The following PAWR variants were observed in gnomAD, a reference collection of about 807,000 sequenced individuals.
The protein encoded by PAWR is PRKC apoptosis WT1 regulator protein.
Under a neutral mutation model 32.0 loss-of-function variants are expected in PAWR, and 23 were observed. That is an observed-to-expected ratio of 0.72 (90% CI 0.52 to 1.02). PAWR has a LOEUF of 1.02. PAWR is among the 50% of genes least tolerant of loss of function. PAWR has a pLI of 0.00. For synonymous variants in PAWR, 226 were observed against 187.1 expected, an observed-to-expected ratio of 1.21 and a Z score of -1.70; for missense variants, 457 against 437.7, an observed-to-expected ratio of 1.04 and a Z score of -0.39.
At chr12:79,640,379 A>T (rs551681741) in intron 2 of PAWR, among the ~76,000 whole-genome samples, 1 of 152,112 alleles carries the variant, frequency 6.6e-6, no homozygotes, top group Non-Finnish European at 1.5e-5. Flanking sequence ...ACCTTCAATC[A>T]TACTACAACC....
In PAWR at chr12:79,588,199, C is replaced by T. The variant is rs1021934271; in HGVS notation, c.*4408G>A. The T allele has an allele frequency of 1.9e-4, 29 of 152,124 alleles. No homozygotes were observed. Among genetic ancestry groups the T allele is most frequent in the African/African-American group, 6.7e-4 (28 of 41,566 alleles). The allele number at this position is 152,124 out of a possible 1,614,324, so 9.4% of individuals were successfully genotyped here. ...ATCAACATCCACCAAGTGATCATCA[C>T]TAACATTCTATTATTACCAGAGTAA... is the stretch of plus-strand genomic sequence containing the variant. On this transcript the variant is annotated 3_prime_UTR_variant, in exon 7 of 7. Coordinates refer to ENST00000328827, the MANE Select transcript of PAWR (RefSeq NM_002583.4).
At chr12:79,640,798 G>GA (rs1566014804) in intron 2 of PAWR, among the ~76,000 whole-genome samples, 2 of 152,142 alleles carry the variant, frequency 1.3e-5, no homozygotes, top group African/African-American at 4.8e-5. Flanking sequence ...ATGTAAAAGA[G>GA]AAAGGACTTA....
At chr12:79,602,584 AAGTG>A (rs1456759725) in intron 4 of PAWR, among the ~76,000 whole-genome samples, 1 of 152,118 alleles carries the variant, frequency 6.6e-6, no homozygotes, top group Non-Finnish European at 1.5e-5. Flanking sequence ...AAAAAAAAAT[AAGTG>A]TCATAAATAA....
intron 2 of PAWR, among the ~76,000 whole-genome samples, chr12:79,673,863 T>C (rs1462270570): frequency 6.6e-6 from 1 of 152,118 alleles, no homozygotes; most frequent in Non-Finnish European, 1.5e-5. Flanking sequence ...GAAAGATTTC[T>C]ACAATGAGAA....
chr12:79,630,319 T>A (rs1020509372), intron 2 of PAWR, among the ~76,000 whole-genome samples: 2 of 151,800 alleles, frequency 1.3e-5, no homozygotes, highest in East Asian at 3.9e-4. Context: ...ATATATATTT[T>A]TTTTGAGACA....
Position 79,651,397 on chromosome 12 carries a change from G to A in PAWR, c.517-30190C>T, listed in dbSNP as rs192132210. Among the ~76,000 whole-genome samples, 53 of 152,228 alleles carry A rather than the reference G, an allele frequency of 3.5e-4. No individual in the cohort carries two copies. The East Asian group carries it at 8.9e-3, about 25-fold the overall frequency. On this transcript the variant is annotated intron_variant, in intron 2 of 6. Coordinates refer to ENST00000328827, the MANE Select transcript of PAWR (RefSeq NM_002583.4). The stretch of plus-strand genomic sequence containing the variant: ...AAGAATCGGTTAAAAAAATTAGGGT[G>A]CATAATTTGCATTTGAAGCTTTCCC...
intron 2 of PAWR, among the ~76,000 whole-genome samples, chr12:79,632,335 A>ATG (rs1875713504): frequency 2.0e-5 from 1 of 49,398 alleles, no homozygotes; most frequent in Non-Finnish European, 2.9e-5. Context: ...ATATATATAT[A>ATG]TATATATATA....
At position 79,621,185 on chromosome 12, in the gene PAWR, T is replaced by A. The variant is rs753683437; in HGVS notation, c.539A>T (p.Asp180Val). The part of the protein sequence containing the change: ...AAECLDEYED[D>V]EAGQKERKRE... ...TTTCCGCTCTTTCTGCCCTGCTTCA[T>A]CATCTTCGTACTCATCTAAGCACTG... is the stretch of plus-strand genomic sequence containing the variant. The change falls in exon 3 of 7, where the codon GAT becomes GTT. Residue 180 changes from aspartate (D) to valine (V), a missense_variant. By Grantham distance (152) the Asp-to-Val change is radical (BLOSUM62 -3). Coordinates refer to ENST00000328827, the MANE Select transcript of PAWR (RefSeq NM_002583.4). 13 of 1,611,178 alleles carry A rather than the reference T, an allele frequency of 8.1e-6. No homozygotes were observed. The highest frequency in any genetic ancestry group is 1.1e-5 in the Non-Finnish European group (13 of 1,179,268).
intron 2 of PAWR, among the ~76,000 whole-genome samples, chr12:79,672,245 T>C (rs1877939493): frequency 6.6e-6 from 1 of 152,132 alleles, no homozygotes; most frequent in East Asian, 1.9e-4. Context: ...GATCAAGTAC[T>C]TCCTCTGCTT....
intron 2 of PAWR, among the ~76,000 whole-genome samples, chr12:79,626,180 A>G (rs1430456926): frequency 1.3e-5 from 2 of 148,474 alleles, no homozygotes; most frequent in South Asian, 4.2e-4. Context: ...AAAAAAAAAA[A>G]AAAAAGAATA....
At chr12:79,680,654 A>G (rs568374290) in intron 2 of PAWR, among the ~76,000 whole-genome samples, 6 of 152,268 alleles carry the variant, frequency 3.9e-5, no homozygotes, top group African/African-American at 1.2e-4. Flanking sequence ...ACATACATTT[A>G]TAATTACTCC....
At chr12:79,672,760 T>G (rs1877971474) in intron 2 of PAWR, among the ~76,000 whole-genome samples, 1 of 152,132 alleles carries the variant, frequency 6.6e-6, no homozygotes, top group South Asian at 2.1e-4. Flanking sequence ...TTTCTGTATT[T>G]CAAACATGTA....
intron 4 of PAWR, chr12:79,597,792 A>G (rs1203357922): frequency 3.3e-5 from 5 of 152,196 alleles, no homozygotes; most frequent in Non-Finnish European, 5.9e-5. Flanking sequence ...GTATTATTCT[A>G]TTAAAAATTA....
chr12:79,622,970 T>A (rs893348643), intron 2 of PAWR, among the ~76,000 whole-genome samples: 9 of 152,128 alleles, frequency 5.9e-5, no homozygotes, highest in Non-Finnish European at 1.3e-4. Context: ...CCCAAGAAGT[T>A]TAGACTTCTC....
chr12:79,627,124 C>T (rs1325043798), intron 2 of PAWR, among the ~76,000 whole-genome samples: 1 of 152,130 alleles, frequency 6.6e-6, no homozygotes, highest in Non-Finnish European at 1.5e-5. Flanking sequence ...ATGGCTGGGT[C>T]AAATGGTATT....
rs544664263 is a variant in PAWR, at chr12:79,618,693, G to A, written c.648+2383C>T. On this transcript the variant is annotated intron_variant, in intron 3 of 6. Coordinates refer to ENST00000328827, the MANE Select transcript of PAWR (RefSeq NM_002583.4). The stretch of plus-strand genomic sequence containing the variant: ...AGATCACTGCGACAAAATGGATGAC[G>A]GCAGAGGACATTATGTTCACTGAAA... 9.2e-5 allele frequency among the ~76,000 whole-genome samples: 14 copies of A among 152,144 alleles called. No individual in the cohort carries two copies. In the South Asian group the frequency reaches 2.5e-3, roughly 27 times the overall value.
At position 79,689,741 on chromosome 12, in the gene PAWR, G is replaced by C. The variant is rs1592564078; in HGVS notation, c.504C>G (p.Ile168Met). 1.9e-6 allele frequency: 3 copies of C among 1,564,728 alleles called. No homozygotes were observed. In the East Asian group the frequency reaches 7.1e-5, roughly 37 times the overall value. The change falls in exon 2 of 7, where the codon ATC (isoleucine) becomes ATG (methionine). Residue 168 changes from isoleucine (I) to methionine (M), a missense_variant. Transcript: ENST00000328827. ...CCGCCCGGCTCACCTCTGCGGCAGGGATGTTGACCACGCCGGTGGAGCGCC... is the reference window on the plus strand; with the variant it reads ...CCGCCCGGCTCACCTCTGCGGCAGGCATGTTGACCACGCCGGTGGAGCGCC... ...EKRRSTGVVN[I>M]PAAECLDEYE...
chr12:79,601,858 C>CA (rs1353145460), intron 4 of PAWR, among the ~76,000 whole-genome samples: 2 of 151,958 alleles, frequency 1.3e-5, no homozygotes, highest in Non-Finnish European at 2.9e-5. Context: ...GGATGCCTTA[C>CA]AAAAAAATGA....
At position 79,690,116 on chromosome 12, in the gene PAWR, TCCCGGGGGGGCCGGG is replaced by T. The variant is rs773451963; in HGVS notation, c.114_128del (p.Pro39_Gly43del). On this transcript the variant is annotated inframe_deletion, in exon 2 of 7. Transcript: ENST00000328827. ...TCCCAGCGGCGTCGCTGCTGCCCCCTCCCGGGGGGGCCGGGCCCGGGGGGTTCTGCTTGGCGCGCA... is the reference window on the plus strand; with the variant it reads ...TCCCAGCGGCGTCGCTGCTGCCCCCTCCCGGGGGGTTCTGCTTGGCGCGCA... 2.1e-5 allele frequency: 31 copies of T among 1,497,064 alleles called. No homozygotes were observed. Among genetic ancestry groups the T allele is most frequent in the Admixed American group, 6.4e-5 (3 of 46,926 alleles). The allele number at this position is 1,497,064 out of a possible 1,614,324, so 92.7% of individuals were successfully genotyped here.
Sources: allele counts gnomAD v4.1 joint callset (sites outside exome capture counted in the v4.1 genomes callset), GRCh38; gene constraint gnomAD v4.1.1; transcripts MANE v1.5; gene names NCBI Gene and HGNC (gene_info 2026-07-23, HGNC 2026-07-21).